KCNG2: variants seen among roughly 807,000 people sequenced by gnomAD.
The protein encoded by KCNG2 is voltage-gated potassium channel regulatory subunit KCNG2.
Under a neutral mutation model 12.3 loss-of-function variants are expected in KCNG2, and 7 were observed. The ratio of observed to expected loss-of-function variants is 0.57; its 90% confidence interval spans 0.32 to 1.07. The LOEUF (loss-of-function observed/expected upper bound fraction) is 1.07. KCNG2 is among the 50% of genes least tolerant of loss of function. The pLI is 0.04. For missense variants in KCNG2, 703 were observed against 726.0 expected (o/e 0.97, Z 0.36); for synonymous variants, 414 against 351.4 (o/e 1.18, Z -1.99).
At chr18:79,889,553 G>A (rs951294813) in intron 3 of KCNG2, among the ~76,000 whole-genome samples, 13 of 152,140 alleles carry the variant, frequency 8.5e-5, no homozygotes, top group South Asian at 4.1e-4. Flanking sequence ...TGTTCATTGC[G>A]AGTGTATAGA....
intron 1 of KCNG2, among the ~76,000 whole-genome samples, chr18:79,835,088 C>G (rs1839505928): frequency 6.6e-6 from 1 of 152,180 alleles, no homozygotes; most frequent in Non-Finnish European, 1.5e-5. Flanking sequence ...AACCCCCATC[C>G]CGACCCACTG....
At chr18:79,889,652 T>C (rs891084368) in intron 3 of KCNG2, among the ~76,000 whole-genome samples, 3 of 152,236 alleles carry the variant, frequency 2.0e-5, no homozygotes, top group African/African-American at 2.4e-5. Context: ...AAGGATTTTC[T>C]ATATACGAGG....
At chr18:79,847,782 C>T (rs759932136) in intron 1 of KCNG2, among the ~76,000 whole-genome samples, 27 of 152,210 alleles carry the variant, frequency 1.8e-4, no homozygotes, top group Non-Finnish European at 3.7e-4. Flanking sequence ...TGGAGGCTGG[C>T]ACCTGGCTTG....
At chr18:79,802,269 A>C (rs1323042254) in intron 1 of KCNG2, among the ~76,000 whole-genome samples, 2 of 152,194 alleles carry the variant, frequency 1.3e-5, no homozygotes, top group African/African-American at 4.8e-5. Context: ...TTCAAAAAGC[A>C]CTTAGAAGAC....
chr18:79,897,644 C>T (rs1334105244), intron 3 of KCNG2, among the ~76,000 whole-genome samples: 1 of 152,220 alleles, frequency 6.6e-6, no homozygotes, highest in Non-Finnish European at 1.5e-5. Context: ...TCCTCCTCCA[C>T]ATACCCTGTC....
At chr18:79,850,504 G>A (rs1424499605) in intron 1 of KCNG2, among the ~76,000 whole-genome samples, 2 of 152,146 alleles carry the variant, frequency 1.3e-5, no homozygotes, top group Non-Finnish European at 2.9e-5. Context: ...ATGTTTTATT[G>A]TCTTTATTGG....
At chr18:79,893,645 C>T (rs896739897) in intron 3 of KCNG2, among the ~76,000 whole-genome samples, 1 of 151,650 alleles carries the variant, frequency 6.6e-6, no homozygotes, top group African/African-American at 2.4e-5. Flanking sequence ...TTGTTCACTC[C>T]ATTCAAATCT....
chr18:79,860,114 C>T (rs536330185), intron 2 of KCNG2, among the ~76,000 whole-genome samples: 18 of 152,206 alleles, frequency 1.2e-4, no homozygotes, highest in South Asian at 6.2e-4. Context: ...AACAAGGTTG[C>T]GGGGTAGGTA....
intron 3 of KCNG2, among the ~76,000 whole-genome samples, chr18:79,898,346 G>A (rs1021782587): frequency 6.6e-6 from 1 of 152,178 alleles, no homozygotes; most frequent in Admixed American, 6.5e-5. Context: ...GGCCTCTCCT[G>A]GCCTGGAATC....
chr18:79,859,454 C>T (rs928255784), intron 2 of KCNG2, among the ~76,000 whole-genome samples: 11 of 152,176 alleles, frequency 7.2e-5, no homozygotes, highest in Non-Finnish European at 1.5e-4. Context: ...AGAGACCACA[C>T]GGAGATGGAG....
At chr18:79,849,974 C>G (rs1215144489) in intron 1 of KCNG2, among the ~76,000 whole-genome samples, 1 of 152,104 alleles carries the variant, frequency 6.6e-6, no homozygotes, top group Non-Finnish European at 1.5e-5. Flanking sequence ...CCCACCTGGC[C>G]GTAGGAGGAG....
intron 1 of KCNG2, among the ~76,000 whole-genome samples, chr18:79,828,084 C>T (rs1978287544): frequency 6.6e-6 from 1 of 152,058 alleles, no homozygotes; most frequent in African/African-American, 2.4e-5. Flanking sequence ...CCAACACACC[C>T]GGCTAATTCT....
intron 2 of KCNG2, among the ~76,000 whole-genome samples, chr18:79,861,566 A>G (rs1006625647): frequency 5.9e-5 from 9 of 152,196 alleles, no homozygotes; most frequent in African/African-American, 2.2e-4. Context: ...GGCATGAGCC[A>G]CTGTGCCGGG....
intron 1 of KCNG2, among the ~76,000 whole-genome samples, chr18:79,847,732 C>T (rs1978672528): frequency 6.6e-6 from 1 of 152,174 alleles, no homozygotes; most frequent in East Asian, 1.9e-4. Context: ...CGGTGACACA[C>T]ACTCATGTTG....
chr18:79,799,378 G>A (rs903066119), intron 1 of KCNG2, among the ~76,000 whole-genome samples: 1 of 152,186 alleles, frequency 6.6e-6, no homozygotes, highest in African/African-American at 2.4e-5. Context: ...ATGGTGCAGG[G>A]TACACAGCTG....
chr18:79,823,759 G>A (rs1026526003), intron 1 of KCNG2, among the ~76,000 whole-genome samples: 45 of 151,892 alleles, frequency 3.0e-4, no homozygotes, highest in African/African-American at 8.9e-4. Flanking sequence ...CCTTAGTATC[G>A]ACATGTCCAA....
At chr18:79,798,678 C>G (rs1244779327) in intron 1 of KCNG2, among the ~76,000 whole-genome samples, 1 of 152,244 alleles carries the variant, frequency 6.6e-6, no homozygotes, top group Non-Finnish European at 1.5e-5. Context: ...ATTCTGCAAA[C>G]CCGGAGCCCA....
At chr18:79,817,950 TG>T (rs2123001981) in intron 1 of KCNG2, among the ~76,000 whole-genome samples, 1 of 152,274 alleles carries the variant, frequency 6.6e-6, no homozygotes, top group South Asian at 2.1e-4. Context: ...CTGAGGTGCA[TG>T]GGTGCAGAGA....
At chr18:79,898,714 T>C (rs956943496) in intron 3 of KCNG2, among the ~76,000 whole-genome samples, 20 of 152,238 alleles carry the variant, frequency 1.3e-4, no homozygotes, top group African/African-American at 4.8e-4. Flanking sequence ...CACATATAAA[T>C]AGATGTTTCT....
Sources: allele counts gnomAD v4.1 joint callset (sites outside exome capture counted in the v4.1 genomes callset), GRCh38; gene constraint gnomAD v4.1.1; transcripts MANE v1.5; gene names NCBI Gene and HGNC (gene_info 2026-07-23, HGNC 2026-07-21).